The following TNFAIP8 variants were observed in gnomAD, a reference collection of about 807,000 sequenced individuals.
TNFAIP8 encodes tumor necrosis factor alpha-induced protein 8.
TNFAIP8 carries 7 observed loss-of-function variants against 13.3 expected under a neutral mutation model. That is an observed-to-expected ratio of 0.52 (90% CI 0.30 to 0.99). TNFAIP8 has a LOEUF of 0.99. TNFAIP8 is among the 50% of genes least tolerant of loss of function. The probability of loss-of-function intolerance (pLI) is 0.07; values close to 1 mark genes in which losing one functional copy is unlikely to be tolerated. For synonymous variants in TNFAIP8, 94 were observed against 87.6 expected, an observed-to-expected ratio of 1.07 and a Z score of -0.41; for missense variants, 258 against 236.9, an observed-to-expected ratio of 1.09 and a Z score of -0.58.
chr5:119,290,826 A>T (rs1748960132), intron 1 of TNFAIP8, among the ~76,000 whole-genome samples: 1 of 152,132 alleles, frequency 6.6e-6, no homozygotes, highest in South Asian at 2.1e-4. Flanking sequence ...CATCAGGAGC[A>T]AAGCAGGGCG....
At chr5:119,368,444 TGTGTGTGTGTGTGTGC>T (rs1284604858) in intron 1 of TNFAIP8, among the ~76,000 whole-genome samples, 80 of 138,644 alleles carry the variant, frequency 5.8e-4, no homozygotes, top group Non-Finnish European at 6.9e-4. Context: ...TGTGTGTGTG[TGTGTGTGTGTGTGTGC>T]GTGTGTGTGT....
chr5:119,341,678 A>G (rs1750741434), intron 1 of TNFAIP8, among the ~76,000 whole-genome samples: 1 of 152,256 alleles, frequency 6.6e-6, no homozygotes, highest in Non-Finnish European at 1.5e-5. Flanking sequence ...AAGCACATCA[A>G]AAGAAATCAT....
intron 1 of TNFAIP8, among the ~76,000 whole-genome samples, chr5:119,291,968 G>C (rs1749002403): frequency 6.6e-6 from 1 of 152,194 alleles, no homozygotes; most frequent in East Asian, 1.9e-4. Context: ...CAGATGAAGT[G>C]ATGGCAAATG....
At chr5:119,357,916 C>G (rs922849996) in intron 1 of TNFAIP8, among the ~76,000 whole-genome samples, 6 of 152,100 alleles carry the variant, frequency 3.9e-5, no homozygotes, top group African/African-American at 1.4e-4. Flanking sequence ...TAGCTTCTGC[C>G]AGGAAATGAA....
chr5:119,367,695 C>T (rs760167312), intron 1 of TNFAIP8, among the ~76,000 whole-genome samples: 1 of 152,170 alleles, frequency 6.6e-6, no homozygotes, highest in African/African-American at 2.4e-5. Flanking sequence ...TGCCCTTGGA[C>T]AGGAAGTATT....
chr5:119,337,031 G>T (rs1750573877), intron 1 of TNFAIP8, among the ~76,000 whole-genome samples: 1 of 152,114 alleles, frequency 6.6e-6, no homozygotes, highest in Non-Finnish European at 1.5e-5. Flanking sequence ...TGAAAGTCTG[G>T]CCAGTGCTAA....
chr5:119,391,759 C>CAA (rs1189646198), intron 1 of TNFAIP8, among the ~76,000 whole-genome samples: 40 of 79,454 alleles, frequency 5.0e-4, no homozygotes, highest in African/African-American at 1.7e-3. Flanking sequence ...AACTCCGTCT[C>CAA]AAAAAAAAAA....
intron 1 of TNFAIP8, among the ~76,000 whole-genome samples, chr5:119,377,714 C>G (rs554617797): frequency 1.1e-4 from 16 of 152,204 alleles, no homozygotes; most frequent in Admixed American, 2.0e-4. Context: ...TTGCAAACCC[C>G]TCGTTAGAAC....
At chr5:119,292,685 T>TATATAC (rs1470227218) in intron 1 of TNFAIP8, among the ~76,000 whole-genome samples, 32 of 52,308 alleles carry the variant, frequency 6.1e-4, no homozygotes, top group Admixed American at 2.4e-3. Flanking sequence ...TATATATATA[T>TATATAC]ACACACACAC....
In TNFAIP8 at chr5:119,327,404, C is replaced by T. The variant is rs1038000220; in HGVS notation, c.1+58497C>T. On this transcript the variant is annotated intron_variant, in intron 1 of 1. Coordinates refer to the TNFAIP8 transcript ENST00000274456. ...AAAATCAAAAGGAAAATACTCAAGA[C>T]GTTATAATTCTGATTGCTCTCTAAA... Among the ~76,000 whole-genome samples the T allele has an allele frequency of 2.6e-5, 4 of 152,250 alleles. No individual in the cohort carries two copies. The South Asian group carries it at 6.2e-4, about 24-fold the overall frequency.
At chr5:119,380,894 CA>C (rs1752459411) in intron 1 of TNFAIP8, among the ~76,000 whole-genome samples, 5 of 152,112 alleles carry the variant, frequency 3.3e-5, no homozygotes, top group Admixed American at 1.3e-4. Context: ...ATTCCTTGCA[CA>C]AGCTGACATC....
chr5:119,312,548 A>G (rs1749763388), intron 1 of TNFAIP8, among the ~76,000 whole-genome samples: 1 of 152,032 alleles, frequency 6.6e-6, no homozygotes, highest in Non-Finnish European at 1.5e-5. Context: ...CTCAAATGAC[A>G]CCGCCAGAGG....
intron 1 of TNFAIP8, among the ~76,000 whole-genome samples, chr5:119,372,035 G>T (rs1210502445): frequency 6.6e-6 from 1 of 152,010 alleles, no homozygotes; most frequent in African/African-American, 2.4e-5. Flanking sequence ...TACTCAAGAG[G>T]CTGAGGCAGG....
chr5:119,373,779 A>G (rs186226501), intron 1 of TNFAIP8, among the ~76,000 whole-genome samples: 3 of 152,322 alleles, frequency 2.0e-5, no homozygotes, highest in Non-Finnish European at 4.4e-5. Flanking sequence ...TCATATCACA[A>G]AAAAATTAGT....
At chr5:119,306,103 A>G (rs1581589890) in intron 1 of TNFAIP8, among the ~76,000 whole-genome samples, 1 of 152,272 alleles carries the variant, frequency 6.6e-6, no homozygotes, top group Non-Finnish European at 1.5e-5. Flanking sequence ...CTTCCTATGA[A>G]TTCCTCTGAA....
intron 1 of TNFAIP8, among the ~76,000 whole-genome samples, chr5:119,386,144 T>A (rs1231057339): frequency 6.6e-6 from 1 of 152,248 alleles, no homozygotes; most frequent in Non-Finnish European, 1.5e-5. Flanking sequence ...TTAAAAAAAA[T>A]GTTTTCGGTG....
intron 1 of TNFAIP8, among the ~76,000 whole-genome samples, chr5:119,292,640 TGTAGC>T (rs1455430352): frequency 2.5e-5 from 2 of 80,070 alleles, no homozygotes; most frequent in Non-Finnish European, 5.6e-5. Flanking sequence ...GAATAATCAA[TGTAGC>T]ATATATATAT....
chr5:119,286,467 A>G (rs1252110349), intron 1 of TNFAIP8, among the ~76,000 whole-genome samples: 3 of 152,138 alleles, frequency 2.0e-5, no homozygotes, highest in Non-Finnish European at 4.4e-5. Flanking sequence ...TAAAAATGCA[A>G]AAAAATTATC....
chr5:119,390,585 A>G (rs1269069553), intron 1 of TNFAIP8, among the ~76,000 whole-genome samples: 2 of 152,144 alleles, frequency 1.3e-5, no homozygotes, highest in African/African-American at 4.8e-5. Context: ...TTCAAAATAT[A>G]TTTTAGTTCT....
Sources: gnomAD v4.1 joint callset for allele counts (sites outside exome capture counted in the v4.1 genomes callset) on GRCh38, gnomAD v4.1.1 for gene constraint, MANE v1.5 for transcripts, NCBI Gene and HGNC (gene_info 2026-07-23, HGNC 2026-07-21) for gene names.